The following LTN1 variants were observed in gnomAD, a reference collection of about 807,000 sequenced individuals.
LTN1 encodes E3 ubiquitin-protein ligase listerin.
A neutral mutation model predicts 201.2 loss-of-function variants in LTN1; 88 were observed. The observed-to-expected ratio is 0.44, with a 90% CI of 0.37 to 0.52. The LOEUF is 0.52. Ranked by LOEUF, LTN1 falls within the 20% of genes least tolerant of loss-of-function variation. LTN1 has a pLI of 0.00. For missense variants in LTN1, 1,752 were observed against 2,038.7 expected (o/e 0.86, Z 2.71); for synonymous variants, 645 against 713.5 (o/e 0.90, Z 1.53).
chr21:28,969,229 A>G (rs1258355003), intron 9 of LTN1, among the ~76,000 whole-genome samples: 1 of 152,022 alleles, frequency 6.6e-6, no homozygotes, highest in Non-Finnish European at 1.5e-5. Context: ...TCTCAAAAAA[A>G]AAAGGGATTT....
chr21:28,946,089 A>G, intron 20 of LTN1, 63 bp downstream of exon 20: 1 of 1,488,570 alleles, frequency 6.7e-7, no homozygotes, highest in Non-Finnish European at 9.2e-7. Context: ...ATTGTGACAC[A>G]GATACGTAAT....
At chr21:28,957,063 T>C (rs2084431465) in intron 15 of LTN1, 115 bp from the exon 16 acceptor site, 3 of 743,764 alleles carry the variant, frequency 4.0e-6, no homozygotes, top group Admixed American at 3.2e-5. Context: ...TAGAAGTTTG[T>C]TTTCTTTTAC....
At chr21:28,970,828 A>T (rs2146303495) in intron 7 of LTN1, 86 bp from the exon 8 acceptor site, 2 of 991,922 alleles carry the variant, frequency 2.0e-6, no homozygotes, top group Non-Finnish European at 2.8e-6. Flanking sequence ...GGCTCTCAAA[A>T]AGAAAAACCA....
intron 6 of LTN1, among the ~76,000 whole-genome samples, chr21:28,975,305 AT>A (rs2146308007): frequency 6.6e-6 from 1 of 152,352 alleles, no homozygotes; most frequent in Admixed American, 6.5e-5. Context: ...GGAATAAAAA[AT>A]ATATGAAATA....
At chr21:28,931,066 GGTGTGTGTGTGTGTGTGTGTGTGT>G in intron 29 of LTN1, 65 bp downstream of exon 29, 2 of 577,874 alleles carry the variant, frequency 3.5e-6, no homozygotes, top group Non-Finnish European at 5.9e-6. Flanking sequence ...ACATTGTGTA[GGTGTGTGTGTGTGTGTGTGTGTGT>G]GTGTGTGTGT....
At chr21:28,957,235 T>C in intron 15 of LTN1, 97 bp downstream of exon 15, 2 of 1,242,756 alleles carry the variant, frequency 1.6e-6, no homozygotes, top group Non-Finnish European at 2.2e-6. Flanking sequence ...AAAATACTCA[T>C]TTTATTTATG....
At chr21:28,960,299 G>C (rs530222484) in intron 12 of LTN1, among the ~76,000 whole-genome samples, 12 of 150,798 alleles carry the variant, frequency 8.0e-5, no homozygotes, top group Non-Finnish European at 1.5e-4. Flanking sequence ...CTCAGATGTT[G>C]TAAGCCAAGA....
intron 13 of LTN1, among the ~76,000 whole-genome samples, 170 bp from the exon 14 acceptor site, chr21:28,958,709 T>C (rs1029724682): frequency 6.6e-6 from 1 of 152,180 alleles, no homozygotes; most frequent in Admixed American, 6.5e-5. Context: ...AACTGTGTCA[T>C]AAACATGCAA....
chr21:28,975,217 A>G (rs1026920128), intron 6 of LTN1, among the ~76,000 whole-genome samples: 26 of 152,348 alleles, frequency 1.7e-4, no homozygotes, highest in African/African-American at 6.0e-4. Context: ...AAAGGAAAAT[A>G]CGATGAGGAT....
intron 6 of LTN1, among the ~76,000 whole-genome samples, chr21:28,977,652 G>A (rs997445685): frequency 1.3e-5 from 2 of 152,248 alleles, no homozygotes; most frequent in Admixed American, 6.5e-5. Context: ...GAACCTGGGA[G>A]GTGGAGGTTG....
chr21:28,972,019 T>C (rs1458682779), intron 6 of LTN1, among the ~76,000 whole-genome samples: 2 of 152,200 alleles, frequency 1.3e-5, no homozygotes, highest in African/African-American at 2.4e-5. Flanking sequence ...AAAATTAGTA[T>C]GTTGAAACTT....
At chr21:28,978,332 A>G (rs897675149) in intron 6 of LTN1, among the ~76,000 whole-genome samples, 1 of 152,208 alleles carries the variant, frequency 6.6e-6, no homozygotes, top group Non-Finnish European at 1.5e-5. Context: ...GTGCCCAGCA[A>G]TATATAAGAA....
intron 6 of LTN1, among the ~76,000 whole-genome samples, chr21:28,973,399 C>G (rs2084591311): frequency 7.0e-6 from 1 of 142,602 alleles, no homozygotes. Flanking sequence ...CACCTTCTGA[C>G]ACAAAGCAAC....
chr21:28,942,841 TTATCA>T (rs2084307677), intron 24 of LTN1, among the ~76,000 whole-genome samples: 1 of 152,236 alleles, frequency 6.6e-6, no homozygotes. Context: ...TTCTTAGCAC[TTATCA>T]TATACTATAT....
In LTN1 at chr21:28,971,433, A is replaced by G. The variant is rs2084574084; in HGVS notation, c.822T>C (p.Ala274=). ...GKHSVPQIRS[A]YFELVSALCQ... ...ACAATGCAGAGACTAACTCAAAATAAGCTGAGCGAATCTAAAAGAATGCAA... is the reference window on the plus strand; with the variant it reads ...ACAATGCAGAGACTAACTCAAAATAGGCTGAGCGAATCTAAAAGAATGCAA... The change falls in exon 7 of 30, where the codon GCT becomes GCC. Residue 274 remains alanine, a synonymous_variant. Transcript: ENST00000361371. 6.2e-7 allele frequency: 1 copy of G among 1,613,278 alleles called. No homozygotes were observed. Among genetic ancestry groups the G allele is most frequent in the Non-Finnish European group, 8.5e-7 (1 of 1,179,692 alleles).
intron 26 of LTN1, among the ~76,000 whole-genome samples, chr21:28,935,771 C>T (rs941484580): frequency 1.4e-5 from 2 of 146,470 alleles, no homozygotes; most frequent in Non-Finnish European, 3.0e-5. Flanking sequence ...ACCCGGAAGG[C>T]GGAGCTTGCA....
At chr21:28,953,426 C>A in intron 16 of LTN1, 50 bp from the exon 17 acceptor site, 2 of 1,363,350 alleles carry the variant, frequency 1.5e-6, no homozygotes, top group African/African-American at 1.5e-5. Context: ...GTGAACAAAC[C>A]CTTCAATTAC....
rs758637973 is a variant in LTN1 at position 28,986,190 on chromosome 21, A to G, written c.294T>C (p.Thr98=). ...GTMCTERDTE[T]VKGVLPYWPR... ...GCCAATATGGAAGAACTCCTTTCAC[A>G]GTTTCTGTGTCTCTCTCTGTACACA... The change falls in exon 3 of 30, where the codon ACT becomes ACC. Residue 98 remains threonine (T), a synonymous_variant. Transcript: ENST00000361371. This position sits in a 1 kb window ranked among gnomAD's most constrained non-coding sequence, Gnocchi z 4.1. 4.3e-6 allele frequency: 7 copies of G among 1,613,592 alleles called. No homozygotes were observed. In the South Asian group the frequency reaches 7.7e-5, roughly 18 times the overall value.
At position 28,928,783 on chromosome 21, in the gene LTN1, T is replaced by C. The variant is rs1410675928; in HGVS notation, c.*1665A>G. The C allele has an allele frequency of 6.6e-6, 1 of 152,294 alleles. No homozygotes were observed. The highest frequency in any genetic ancestry group is 1.5e-5 in the Non-Finnish European group (1 of 67,980). The allele number at this position is 152,294 out of a possible 1,614,324, so 9.4% of individuals were successfully genotyped here. ...TCCATTATTCCATTTTCTTTTCTGCTTGGGGTTTGGGCCAGAAGCCAAGAT... is the reference window on the plus strand; with the variant it reads ...TCCATTATTCCATTTTCTTTTCTGCCTGGGGTTTGGGCCAGAAGCCAAGAT... On this transcript the variant is annotated 3_prime_UTR_variant, in exon 30 of 30. Coordinates refer to ENST00000361371, the MANE Select transcript of LTN1 (RefSeq NM_015565.3).
Sources: allele counts gnomAD v4.1 joint callset (sites outside exome capture counted in the v4.1 genomes callset), GRCh38; gene constraint gnomAD v4.1.1; non-coding constraint Gnocchi (gnomAD v3.1); transcripts MANE v1.5; gene names NCBI Gene and HGNC (gene_info 2026-07-23, HGNC 2026-07-21).